Variants in TCF4 observed in about 807,000 individuals in gnomAD.
TCF4 encodes transcription factor 4.
TCF4 carries 3 observed loss-of-function variants against 82.1 expected under a neutral mutation model. The ratio of observed to expected loss-of-function variants is 0.04; its 90% CI spans 0.02 to 0.09. The LOEUF (loss-of-function observed/expected upper bound fraction) is 0.09, where lower values mean the gene tolerates loss of function less well. TCF4 is among the 10% of genes least tolerant of loss of function. The probability of loss-of-function intolerance (pLI) is 1.00; values close to 1 mark genes in which losing one functional copy is unlikely to be tolerated. For missense variants in TCF4, 518 were observed against 852.7 expected, an observed-to-expected ratio of 0.61 and a Z score of 4.89; for synonymous variants, 276 against 309.6, an observed-to-expected ratio of 0.89 and a Z score of 1.14.
intron 3 of TCF4, among the ~76,000 whole-genome samples, chr18:55,544,580 T>C (rs968418428): frequency 1.8e-4 from 28 of 152,198 alleles, no homozygotes; most frequent in African/African-American, 6.8e-4. Flanking sequence ...GAAATTCTGT[T>C]TGTCTTCGTG....
At chr18:55,517,090 G>A (rs1369102224) in intron 3 of TCF4, among the ~76,000 whole-genome samples, 3 of 152,090 alleles carry the variant, frequency 2.0e-5, no homozygotes, top group South Asian at 2.1e-4. Context: ...TGTGGGAAAC[G>A]GTTATAATAA....
At chr18:55,376,621 C>T (rs141437471) in intron 6 of TCF4, among the ~76,000 whole-genome samples, 3,454 of 152,250 alleles carry the variant, frequency 0.023, 65 homozygotes, top group Non-Finnish European at 0.035. Context: ...TGGGGCTTTC[C>T]AAATGACTCT....
At chr18:55,436,703 C>T (rs1237707716) in intron 5 of TCF4, among the ~76,000 whole-genome samples, 2 of 152,140 alleles carry the variant, frequency 1.3e-5, no homozygotes, top group East Asian at 1.9e-4. Flanking sequence ...AGGTCTGTAT[C>T]CAGAATGTGA....
chr18:55,604,227 T>G (rs2097700115), intron 2 of TCF4, among the ~76,000 whole-genome samples: 1 of 111,976 alleles, frequency 8.9e-6, no homozygotes, highest in Non-Finnish European at 2.2e-5. Context: ...CAGTTTTTTG[T>G]TTTTTTTTAA....
At chr18:55,514,959 T>A (rs1219570257) in intron 3 of TCF4, among the ~76,000 whole-genome samples, 1 of 152,178 alleles carries the variant, frequency 6.6e-6, no homozygotes, top group African/African-American at 2.4e-5. Context: ...CCAGGCATAA[T>A]GCTAAGCAAT....
At chr18:55,312,386 T>A (rs112342025) in intron 8 of TCF4, among the ~76,000 whole-genome samples, 27 of 152,324 alleles carry the variant, frequency 1.8e-4, no homozygotes, top group African/African-American at 5.5e-4. Flanking sequence ...CTAAAGCTAC[T>A]TAGCCATGAT....
intron 6 of TCF4, among the ~76,000 whole-genome samples, chr18:55,398,848 T>A (rs1020169): frequency 0.25 from 38,487 of 152,042 alleles, 5,139 homozygotes; most frequent in East Asian, 0.48. Flanking sequence ...CCTGTGGAAA[T>A]CAGCATGCAA....
At chr18:55,395,965 T>C (rs1230271678) in intron 6 of TCF4, among the ~76,000 whole-genome samples, 6 of 152,054 alleles carry the variant, frequency 3.9e-5, no homozygotes, top group Non-Finnish European at 8.8e-5. Flanking sequence ...TCAGGAACGA[T>C]GCGATCTGCC....
intron 3 of TCF4, among the ~76,000 whole-genome samples, chr18:55,581,873 T>C (rs1255558316): frequency 6.6e-6 from 1 of 152,132 alleles, no homozygotes; most frequent in South Asian, 2.1e-4. Flanking sequence ...TGACAATCTT[T>C]TAACAATACC....
chr18:55,246,721 T>C (rs912742092), intron 15 of TCF4, among the ~76,000 whole-genome samples: 1 of 151,826 alleles, frequency 6.6e-6, no homozygotes, highest in African/African-American at 2.4e-5. Context: ...CTTTTTTTTT[T>C]CAGTTTTAAA....
chr18:55,228,073 G>T, intron 19 of TCF4, 43 bp from the exon 20 acceptor site: 2 of 1,007,280 alleles, frequency 2.0e-6, no homozygotes, highest in Non-Finnish European at 2.9e-6. Flanking sequence ...TAATATATTT[G>T]TAACAGAAAA....
At chr18:55,352,562 A>C (rs904652124) in intron 6 of TCF4, among the ~76,000 whole-genome samples, 13 of 152,278 alleles carry the variant, frequency 8.5e-5, no homozygotes, top group Admixed American at 8.5e-4. Context: ...ACTCATTGCT[A>C]GTATCTTAAT....
chr18:55,495,015 G>A (rs780791790), intron 3 of TCF4, among the ~76,000 whole-genome samples: 11 of 151,430 alleles, frequency 7.3e-5, no homozygotes, highest in Admixed American at 2.6e-4. Flanking sequence ...TCAAAGAAGT[G>A]GGAGTCTTTA....
chr18:55,375,939 T>G (rs1257328479), intron 6 of TCF4, among the ~76,000 whole-genome samples: 1 of 151,984 alleles, frequency 6.6e-6, no homozygotes, highest in South Asian at 2.1e-4. Flanking sequence ...TTAAGTCCTT[T>G]TATATTTTAC....
chr18:55,462,336 T>C (rs1439874334), intron 4 of TCF4, among the ~76,000 whole-genome samples: 1 of 152,128 alleles, frequency 6.6e-6, no homozygotes, highest in Non-Finnish European at 1.5e-5. Flanking sequence ...TCATCCTAGA[T>C]AGTGTACTAA....
At chr18:55,515,305 G>C (rs1055954367) in intron 3 of TCF4, among the ~76,000 whole-genome samples, 11 of 152,190 alleles carry the variant, frequency 7.2e-5, no homozygotes, top group African/African-American at 2.4e-4. Context: ...ACACTCATTT[G>C]TTCATTCATC....
chr18:55,587,899 G>C lies in TCF4; in HGVS notation c.-21+139C>G, dbSNP rs1286264957. ...GGGGAGGGAAGCGGCGGGAGGGGAA[G>C]GGGTGTCTCTTCTGGGAGCGCCGGG... On this transcript the variant is annotated intron_variant, in intron 1 of 19. Transcript: ENST00000354452. 1.1e-5 allele frequency: 8 copies of C among 699,046 alleles called. No individual in the cohort carries two copies. In the East Asian group the frequency reaches 8.1e-4, roughly 71 times the overall value. 43.3% of individuals were successfully genotyped at this position (699,046 alleles called of 1,614,324 possible).
At chr18:55,249,193 C>A (rs190671051) in intron 15 of TCF4, among the ~76,000 whole-genome samples, 5 of 152,066 alleles carry the variant, frequency 3.3e-5, no homozygotes, top group African/African-American at 1.2e-4. Context: ...CTTAACTATA[C>A]AAGGAAAACT....
At chr18:55,269,693 C>A in intron 11 of TCF4, 138 bp downstream of exon 11, 1 of 1,146,312 alleles carries the variant, frequency 8.7e-7, no homozygotes. Flanking sequence ...CTGTTTGGTA[C>A]ATTTGTGTGT....
Sources: gnomAD v4.1 joint callset for allele counts (sites outside exome capture counted in the v4.1 genomes callset) on GRCh38, gnomAD v4.1.1 for gene constraint, MANE v1.5 for transcripts, NCBI Gene and HGNC (gene_info 2026-07-23, HGNC 2026-07-21) for gene names.